Variants in ANO3 observed in about 807,000 individuals in gnomAD.
The protein encoded by ANO3 is anoctamin-3.
Under a neutral mutation model 144.8 loss-of-function variants are expected in ANO3, and 99 were observed. The ratio of observed to expected loss-of-function variants is 0.68; its 90% CI spans 0.58 to 0.81. ANO3 has a LOEUF of 0.81. Ranked by LOEUF, ANO3 falls within the 30% of genes least tolerant of loss-of-function variation. The pLI, the probability that ANO3 is intolerant of heterozygous loss-of-function variation, is 0.00. For synonymous variants in ANO3, 414 were observed against 392.6 expected (o/e 1.05, Z -0.64); for missense variants, 905 against 1,202.2 (o/e 0.75, Z 3.66).
chr11:26,324,714 C>A (rs1854841837), intron 1 of ANO3, among the ~76,000 whole-genome samples: 1 of 152,122 alleles, frequency 6.6e-6, no homozygotes, highest in Non-Finnish European at 1.5e-5. Context: ...GCAGTGCCAG[C>A]CAGTAGGCTG....
chr11:26,427,705 C>T (rs930008579), intron 1 of ANO3, among the ~76,000 whole-genome samples: 1 of 152,084 alleles, frequency 6.6e-6, no homozygotes, highest in Non-Finnish European at 1.5e-5. Context: ...AGACCATTCT[C>T]ACACTGCTAA....
At chr11:26,551,155 G>A (rs1849921083) in intron 12 of ANO3, among the ~76,000 whole-genome samples, 1 of 151,894 alleles carries the variant, frequency 6.6e-6, no homozygotes, top group African/African-American at 2.4e-5. Flanking sequence ...GGATTATAAG[G>A]AAGCATGAGA....
intron 5 of ANO3, among the ~76,000 whole-genome samples, chr11:26,513,277 G>A (rs1276466487): frequency 4.6e-5 from 7 of 152,058 alleles, no homozygotes; most frequent in African/African-American, 1.4e-4. Context: ...GGCATGACCC[G>A]ACTTACATTT....
intron 1 of ANO3, among the ~76,000 whole-genome samples, chr11:26,357,296 G>A (rs1247350322): frequency 6.6e-6 from 1 of 152,182 alleles, no homozygotes; most frequent in Non-Finnish European, 1.5e-5. Flanking sequence ...TTAAGAAAGT[G>A]TCAGACTTAT....
intron 1 of ANO3, among the ~76,000 whole-genome samples, chr11:26,218,948 T>C (rs1852088082): frequency 6.6e-6 from 1 of 152,166 alleles, no homozygotes; most frequent in Non-Finnish European, 1.5e-5. Flanking sequence ...CTAAGCTCTG[T>C]TGAGAAATTT....
intron 24 of ANO3, among the ~76,000 whole-genome samples, chr11:26,648,080 A>G (rs1014315276): frequency 1.3e-5 from 2 of 152,172 alleles, no homozygotes; most frequent in African/African-American, 2.4e-5. Flanking sequence ...AATGCATCAC[A>G]AGTATCAAAA....
At chr11:26,439,540 A>C (rs1858436538) in intron 1 of ANO3, among the ~76,000 whole-genome samples, 1 of 152,220 alleles carries the variant, frequency 6.6e-6, no homozygotes, top group Non-Finnish European at 1.5e-5. Flanking sequence ...AAAGCCACAT[A>C]GAGTGATGTT....
chr11:26,403,112 C>T (rs1039335858), intron 1 of ANO3, among the ~76,000 whole-genome samples: 2 of 151,846 alleles, frequency 1.3e-5, no homozygotes, highest in Non-Finnish European at 2.9e-5. Flanking sequence ...ACTGCATTCT[C>T]TTGGTGTGGT....
chr11:26,537,005 A>T (rs61876963), intron 9 of ANO3, among the ~76,000 whole-genome samples: 174 of 140,698 alleles, frequency 1.2e-3, no homozygotes, highest in East Asian at 1.8e-3. Flanking sequence ...ATATCCTTTA[A>T]ATTTTTTTTT....
intron 12 of ANO3, among the ~76,000 whole-genome samples, chr11:26,552,091 C>G (rs1849948137): frequency 6.6e-6 from 1 of 152,014 alleles, no homozygotes; most frequent in Non-Finnish European, 1.5e-5. Context: ...TAATGTTGAG[C>G]AAGTTCCTTA....
intron 2 of ANO3, 122 bp downstream of exon 2, chr11:26,442,234 A>G: frequency 1.4e-5 from 13 of 949,886 alleles, no homozygotes; most frequent in Non-Finnish European, 2.0e-5. Context: ...AGGCTGGCAT[A>G]GAAAGGAGAC....
At chr11:26,454,258 A>G (rs1859060021) in intron 3 of ANO3, among the ~76,000 whole-genome samples, 1 of 152,204 alleles carries the variant, frequency 6.6e-6, no homozygotes, top group African/African-American at 2.4e-5. Flanking sequence ...GAGACACAAA[A>G]AGACCTTCAA....
rs1158960044 is a variant in ANO3, at chr11:26,194,647, T to C, written c.154+5317T>C. ...TCCCGAGTAGCTGGGATTATAGCCATGGGCCACTACGCTGGGCTAATTTTG... is the reference window on the plus strand; with the variant it reads ...TCCCGAGTAGCTGGGATTATAGCCACGGGCCACTACGCTGGGCTAATTTTG... On this transcript the variant is annotated intron_variant, in intron 1 of 27. Transcript: ENST00000672621. 2.6e-5 allele frequency among the ~76,000 whole-genome samples: 4 copies of C among 152,014 alleles called. No homozygotes were observed. In the South Asian group the frequency reaches 6.2e-4, roughly 24 times the overall value.
In ANO3 at chr11:26,511,491, AC is replaced by A. The variant is rs567534313; in HGVS notation, c.591+3230del. ...ACTGAGAGAGTACTTCAGAGACTGC[AC>A]AAGAAAGATGATCTGACCCAGGGTG... On this transcript the variant is annotated intron_variant, in intron 5 of 26. Coordinates refer to ENST00000256737, the MANE Select transcript of ANO3 (RefSeq NM_031418.4). 3.6e-3 allele frequency among the ~76,000 whole-genome samples: 543 copies of A among 152,302 alleles called. 1 individual carries two copies. The highest frequency in any genetic ancestry group is 0.01 in the Middle Eastern group (3 of 294).
chr11:26,264,867 T>C (rs1018011845), intron 1 of ANO3, among the ~76,000 whole-genome samples: 1 of 140,560 alleles, frequency 7.1e-6, no homozygotes, highest in African/African-American at 2.6e-5. Flanking sequence ...TTTTTAAAGA[T>C]TTTTTTTTTC....
upstream of ANO3, chr11:26,331,927 A>T: frequency 4.9e-6 from 2 of 405,136 alleles, no homozygotes; most frequent in Non-Finnish European, 9.1e-6. Flanking sequence ...TCAGCTCTAG[A>T]GGTTTGCTCC....
chr11:26,534,348 C>T (rs1014857460), intron 8 of ANO3, 108 bp from the exon 9 acceptor site: 18 of 594,774 alleles, frequency 3.0e-5, no homozygotes, highest in East Asian at 8.5e-5. Flanking sequence ...GGATGATTTC[C>T]CTTCTGATTT....
chr11:26,413,170 T>C (rs1018936875), intron 1 of ANO3, among the ~76,000 whole-genome samples: 3 of 152,016 alleles, frequency 2.0e-5, no homozygotes, highest in Admixed American at 2.0e-4. Context: ...CTTGGCACTA[T>C]GTTGCCCATG....
intron 13 of ANO3, among the ~76,000 whole-genome samples, chr11:26,557,171 T>G (rs1445835553): frequency 6.6e-6 from 1 of 151,978 alleles, no homozygotes; most frequent in Non-Finnish European, 1.5e-5. Context: ...ATCTTAACAA[T>G]GTTGAACAAG....
Sources: gnomAD v4.1 joint callset for allele counts (sites outside exome capture counted in the v4.1 genomes callset) on GRCh38, gnomAD v4.1.1 for gene constraint, MANE v1.5 for transcripts, NCBI Gene and HGNC (gene_info 2026-07-23, HGNC 2026-07-21) for gene names.